The following F11 variants were observed in gnomAD, a reference collection of about 807,000 sequenced individuals.
The protein encoded by F11 is coagualtion factor XI.
A neutral mutation model predicts 76.5 loss-of-function variants in F11; 78 were observed. That is an observed-to-expected ratio of 1.02 (90% CI 0.85 to 1.23). The LOEUF (loss-of-function observed/expected upper bound fraction) is 1.23, where lower values mean the gene tolerates loss of function less well. F11 is among the 50% of genes most tolerant of loss of function. F11 has a pLI of 0.00. For synonymous variants in F11, 278 were observed against 276.3 expected, an observed-to-expected ratio of 1.01 and a Z score of -0.06; for missense variants, 742 against 771.4, an observed-to-expected ratio of 0.96 and a Z score of 0.45.
At chr4:186,273,207 C>A in intron 4 of F11, 30 bp downstream of exon 4, 1 of 1,520,704 alleles carries the variant, frequency 6.6e-7, no homozygotes. Context: ...TCAACAAATA[C>A]CAGCTGTGAT....
chr4:186,289,688 T>A (rs2126794524), downstream of F11, among the ~76,000 whole-genome samples: 1 of 151,790 alleles, frequency 6.6e-6, no homozygotes, highest in South Asian at 2.1e-4. Flanking sequence ...TGTGATTTTT[T>A]TTTTTTTTTT....
intron 10 of F11, chr4:186,283,076 A>G: frequency 9.2e-6 from 9 of 977,666 alleles, no homozygotes; most frequent in Non-Finnish European, 1.1e-5. Context: ...ATCTGGGCAC[A>G]GCACATTGAC....
At chr4:186,280,196 C>T in intron 8 of F11, 27 bp from the exon 9 acceptor site, 1 of 1,614,130 alleles carries the variant, frequency 6.2e-7, no homozygotes, top group Non-Finnish European at 8.5e-7. Context: ...GGGAGGGTCT[C>T]ACTCTGACAT....
intron 6 of F11, among the ~76,000 whole-genome samples, 158 bp downstream of exon 6, chr4:186,276,054 A>G (rs1740348986): frequency 6.6e-6 from 1 of 152,140 alleles, no homozygotes; most frequent in South Asian, 2.1e-4. Context: ...ATACAGTTAG[A>G]TCCTCTATTT....
chr4:186,273,233 C>T, intron 4 of F11, 56 bp downstream of exon 4: 7 of 1,329,964 alleles, frequency 5.3e-6, no homozygotes, highest in Non-Finnish European at 5.4e-6. Flanking sequence ...CATATCGCCA[C>T]ATCGGATGTG....
chr4:186,272,579 G>T (rs1179900563), intron 3 of F11, among the ~76,000 whole-genome samples: 1 of 152,082 alleles, frequency 6.6e-6, no homozygotes, highest in Non-Finnish European at 1.5e-5. Context: ...ACATTCACAG[G>T]CATTTATGTA....
intron 7 of F11, among the ~76,000 whole-genome samples, chr4:186,277,617 GGA>G (rs150696701): frequency 6.6e-6 from 1 of 151,252 alleles, no homozygotes; most frequent in Non-Finnish European, 1.5e-5. Context: ...AACCCAAAGT[GGA>G]GAGAGAGAGA....
chr4:186,286,556 C>T (rs761518490), intron 13 of F11, 46 bp downstream of exon 13: 10 of 1,608,464 alleles, frequency 6.2e-6, no homozygotes, highest in African/African-American at 1.3e-5. Context: ...AAATGAAGAG[C>T]GGAACCTTTT....
chr4:186,275,749 GGAA>G (rs1366686695), intron 5 of F11, 35 bp from the exon 6 acceptor site: 1 of 1,457,582 alleles, frequency 6.9e-7, no homozygotes, highest in South Asian at 1.2e-5. Context: ...CCTTGCAGTT[GGAA>G]GAATAAGACA....
At chr4:186,284,066 T>G (rs1323391489) in intron 10 of F11, 26 bp from the exon 11 acceptor site, 1 of 1,614,038 alleles carries the variant, frequency 6.2e-7, no homozygotes, top group Non-Finnish European at 8.5e-7. Flanking sequence ...TGTAGGAAGC[T>G]GCTCATCACA....
At chr4:186,267,593 C>T (rs4253816) in intron 2 of F11, among the ~76,000 whole-genome samples, 1,747 of 152,270 alleles carry the variant, frequency 0.011, 42 homozygotes, top group African/African-American at 0.039. Context: ...TATTCATACA[C>T]AGTTTATGCA....
At position 186,267,189 on chromosome 4, in the gene F11, G is replaced by A. The variant is rs774959355; in HGVS notation, c.53G>A (p.Gly18Asp). ...VHFILFTSVS[G>D]ECVTQLLKDT... Reference sequence around the variant, plus strand: ...TTCATTTTATTTACTTCAGTTTCTGGTGGTAAGTAGAGTGTTATCTTAACT... The same window carrying A: ...TTCATTTTATTTACTTCAGTTTCTGATGGTAAGTAGAGTGTTATCTTAACT... The change falls in exon 2 of 15, where the codon GGT becomes GAT. Residue 18 changes from glycine to aspartate, a missense_variant and splice_region_variant. Transcript: ENST00000403665. 4 of 1,549,688 alleles carry A rather than the reference G, an allele frequency of 2.6e-6. No individual in the cohort carries two copies. In the African/African-American group the frequency reaches 5.4e-5, roughly 21 times the overall value.
At chr4:186,270,649 G>GCACACA (rs10535096) in intron 2 of F11, among the ~76,000 whole-genome samples, 18 of 150,564 alleles carry the variant, frequency 1.2e-4, no homozygotes, top group East Asian at 1.2e-3. Context: ...AGTGCATGAT[G>GCACACA]CACACACACA....
intron 10 of F11, among the ~76,000 whole-genome samples, chr4:186,280,844 TTTTC>T (rs1166421655): frequency 3.0e-4 from 43 of 143,970 alleles, no homozygotes; most frequent in African/African-American, 1.0e-3. Context: ...GGCATTTCTG[TTTTC>T]TTTCTTTCTT....
rs1561481016 is a variant in F11, at chr4:186,273,070, G to A, written c.219-1G>A. The A allele has an allele frequency of 6.2e-7, 1 of 1,600,388 alleles. No individual in the cohort carries two copies. Among genetic ancestry groups the A allele is most frequent in the South Asian group, 1.1e-5 (1 of 90,676 alleles). ...TTAATATGTATTTTTTAAAAAAACAGGTTTACTTGTGTCCTGAAAGACAGT... is the reference window on the plus strand; with the variant it reads ...TTAATATGTATTTTTTAAAAAAACAAGTTTACTTGTGTCCTGAAAGACAGT... On this transcript the variant is annotated splice_acceptor_variant, in intron 3 of 14. Coordinates refer to ENST00000403665, the MANE Select transcript of F11 (RefSeq NM_000128.4). LOFTEE classifies it high-confidence loss of function.
intron 10 of F11, among the ~76,000 whole-genome samples, chr4:186,281,027 G>A (rs956318190): frequency 3.3e-5 from 5 of 151,644 alleles, no homozygotes; most frequent in African/African-American, 1.2e-4. Context: ...ACAACACTCG[G>A]CTAATTTGTT....
intron 12 of F11, 138 bp downstream of exon 12, chr4:186,285,951 T>C: frequency 1.1e-6 from 1 of 951,302 alleles, no homozygotes; most frequent in Non-Finnish European, 1.7e-6. Context: ...GGAATGCTAG[T>C]CATTCACTCT....
rs559565734 is a variant in F11, at chr4:186,275,430, G to T, written c.486-357G>T. On this transcript the variant is annotated intron_variant, in intron 5 of 14. Coordinates refer to ENST00000403665, the MANE Select transcript of F11 (RefSeq NM_000128.4). Reference sequence around the variant, plus strand: ...GAATCGCTTGAACCCAGGAGGCGGAGGTTGCAGTGAGCCAAGATCGTGCCA... The same window carrying T: ...GAATCGCTTGAACCCAGGAGGCGGATGTTGCAGTGAGCCAAGATCGTGCCA... Among the ~76,000 whole-genome samples the T allele has an allele frequency of 7.0e-4, 106 of 152,314 alleles. 1 individual carries two copies. Among genetic ancestry groups the T allele is most frequent in the African/African-American group, 2.4e-3 (100 of 41,580 alleles).
rs1335697299 is a variant in F11, at chr4:186,289,323, T to C, written c.*709T>C. 6.6e-6 allele frequency among the ~76,000 whole-genome samples: 1 copy of C among 152,188 alleles called. No homozygotes were observed. The highest frequency in any genetic ancestry group is 1.5e-5 in the Non-Finnish European group (1 of 68,044). Reference sequence around the variant, plus strand: ...CTGAAAAATGATTTGTGATGGATTGTATATTTATTTAAAATATCTTGGGAG... The same window carrying C: ...CTGAAAAATGATTTGTGATGGATTGCATATTTATTTAAAATATCTTGGGAG... On this transcript the variant is annotated 3_prime_UTR_variant, in exon 15 of 15. Coordinates refer to ENST00000403665, the MANE Select transcript of F11 (RefSeq NM_000128.4).
Sources: allele counts gnomAD v4.1 joint callset (sites outside exome capture counted in the v4.1 genomes callset), GRCh38; gene constraint gnomAD v4.1.1; transcripts MANE v1.5; gene names NCBI Gene and HGNC (gene_info 2026-07-23, HGNC 2026-07-21).